Variants in RPS6KA2 observed in about 807,000 individuals in gnomAD.
RPS6KA2 encodes the protein ribosomal protein S6 kinase alpha-2.
Under a neutral mutation model 91.8 loss-of-function variants are expected in RPS6KA2, and 42 were observed. The ratio of observed to expected loss-of-function variants is 0.46; its 90% CI spans 0.36 to 0.59. RPS6KA2 has a LOEUF of 0.59. RPS6KA2 is among the 20% of genes least tolerant of loss of function. The pLI, the probability that RPS6KA2 is intolerant of heterozygous loss-of-function variation, is 0.00. For missense variants in RPS6KA2, 798 were observed against 978.5 expected (o/e 0.82, Z 2.46); for synonymous variants, 414 against 393.6 (o/e 1.05, Z -0.61).
Position 166,412,500 on chromosome 6 carries a change from C to G in RPS6KA2, c.*262G>C, listed in dbSNP as rs1778340926. On this transcript the variant is annotated 3_prime_UTR_variant, in exon 21 of 21. Coordinates refer to ENST00000265678, the MANE Select transcript of RPS6KA2 (RefSeq NM_021135.6). The surrounding 1 kb of genome is among the most constrained non-coding windows in gnomAD (Gnocchi z 4.3). ...TCTGAAAGAAGCCCCCGGCCTCGCA[C>G]GGGCACGCGAGGTGAAGGGGCGCAT... 3.2e-6 allele frequency: 1 copy of G among 307,776 alleles called. No homozygotes were observed. Among genetic ancestry groups the G allele is most frequent in the Admixed American group, 5.0e-5 (1 of 20,104 alleles). The allele number at this position is 307,776 out of a possible 1,614,324, so 19.1% of individuals were successfully genotyped here.
intron 2 of RPS6KA2, among the ~76,000 whole-genome samples, chr6:166,740,083 G>C (rs552369831): frequency 4.9e-4 from 75 of 152,344 alleles, no homozygotes; most frequent in African/African-American, 1.8e-3. Context: ...GCTGGTCCCT[G>C]AGCATTCTCT....
At chr6:166,562,327 T>C (rs1010393184) in intron 1 of RPS6KA2, among the ~76,000 whole-genome samples, 11 of 152,162 alleles carry the variant, frequency 7.2e-5, no homozygotes, top group African/African-American at 2.7e-4. Flanking sequence ...CCAGTGTTGG[T>C]GATCAGACAC....
At chr6:166,480,720 G>A (rs890635342) in intron 10 of RPS6KA2, among the ~76,000 whole-genome samples, 15 of 151,902 alleles carry the variant, frequency 9.9e-5, no homozygotes, top group African/African-American at 3.4e-4. Context: ...TTGCCATTTT[G>A]GCCAGGCTGG....
chr6:166,579,980 C>A (rs2128515050), intron 1 of RPS6KA2, among the ~76,000 whole-genome samples: 1 of 152,366 alleles, frequency 6.6e-6, no homozygotes, highest in East Asian at 1.9e-4. Flanking sequence ...CTAACTGCGA[C>A]CTTTAGAATC....
intron 2 of RPS6KA2, among the ~76,000 whole-genome samples, chr6:166,692,305 T>A (rs1789231038): frequency 6.6e-6 from 1 of 152,152 alleles, no homozygotes; most frequent in South Asian, 2.1e-4. Flanking sequence ...TCCTCCTACC[T>A]CTGCTCAAGC....
intron 12 of RPS6KA2, among the ~76,000 whole-genome samples, chr6:166,453,283 C>G (rs1403879098): frequency 1.3e-5 from 2 of 151,902 alleles, no homozygotes; most frequent in African/African-American, 2.4e-5. Flanking sequence ...AACAGACAAC[C>G]TGCAGAATGG....
chr6:166,534,999 C>A (rs1783434937), intron 2 of RPS6KA2, among the ~76,000 whole-genome samples: 1 of 152,238 alleles, frequency 6.6e-6, no homozygotes, highest in Non-Finnish European at 1.5e-5. Context: ...CCCTCTCCCT[C>A]TCTGCTGTCA....
chr6:166,586,378 G>A, intron 1 of RPS6KA2: 2 of 1,599,694 alleles, frequency 1.3e-6, no homozygotes, highest in South Asian at 1.1e-5. Context: ...GGAGACTCAG[G>A]AGGGCGTTTC....
intron 1 of RPS6KA2, among the ~76,000 whole-genome samples, chr6:166,594,739 G>A (rs1484089245): frequency 1.3e-5 from 2 of 152,222 alleles, no homozygotes; most frequent in African/African-American, 2.4e-5. Flanking sequence ...TGGGATTACA[G>A]GCGTGAGCCA....
chr6:166,636,551 C>CTCCTCT (rs1009015816), intron 2 of RPS6KA2, among the ~76,000 whole-genome samples: 3 of 152,262 alleles, frequency 2.0e-5, no homozygotes, highest in African/African-American at 7.2e-5. Context: ...CCTCCTCCTT[C>CTCCTCT]TCCTCTTCCT....
At chr6:166,427,036 G>A (rs1249680471) in intron 16 of RPS6KA2, among the ~76,000 whole-genome samples, 1 of 152,020 alleles carries the variant, frequency 6.6e-6, no homozygotes, top group Non-Finnish European at 1.5e-5. Context: ...GATGAACATT[G>A]ATGCAAAAAT....
chr6:166,573,438 C>T (rs765889562), intron 1 of RPS6KA2, among the ~76,000 whole-genome samples: 6 of 152,194 alleles, frequency 3.9e-5, no homozygotes, highest in African/African-American at 9.7e-5. Flanking sequence ...ACCCAGCGCA[C>T]GTGTTCTGAT....
At chr6:166,758,583 C>T (rs1241592196) in intron 2 of RPS6KA2, among the ~76,000 whole-genome samples, 1 of 152,176 alleles carries the variant, frequency 6.6e-6, no homozygotes, top group African/African-American at 2.4e-5. Context: ...ACTGGTATAG[C>T]TTCTTGTTAA....
intron 8 of RPS6KA2, among the ~76,000 whole-genome samples, chr6:166,492,890 ATTT>A (rs71032807): frequency 0.024 from 2,501 of 103,550 alleles, 28 homozygotes; most frequent in Middle Eastern, 0.055. Context: ...TAATTTTTGT[ATTT>A]TTTTTTTTTT....
In RPS6KA2 at chr6:166,733,689, G is replaced by A. The variant is rs1481188981; in HGVS notation, c.123+124511C>T. Among the ~76,000 whole-genome samples, 1 of 152,194 alleles carries A rather than the reference G, an allele frequency of 6.6e-6. No individual in the cohort carries two copies. Among genetic ancestry groups the A allele is most frequent in the African/African-American group, 2.4e-5 (1 of 41,456 alleles). ...GGACAGTTTCCATGGAATGTCCCAG[G>A]CACAGGTCACATTTCAGCGGGTTCC... On this transcript the variant is annotated intron_variant, in intron 2 of 21. Coordinates refer to the RPS6KA2 transcript ENST00000503859. The surrounding 1 kb of genome is among the most constrained non-coding windows in gnomAD (Gnocchi z 4.1).
At chr6:166,675,840 T>C (rs9459711) in intron 2 of RPS6KA2, among the ~76,000 whole-genome samples, 38,828 of 152,054 alleles carry the variant, frequency 0.26, 5,557 homozygotes, top group African/African-American at 0.39. Flanking sequence ...TTGGCTATTG[T>C]GTCATATCTT....
At chr6:166,862,391 G>A (rs1386528053) in exon 1 of RPS6KA2, 1 of 1,386,524 alleles carries the variant, frequency 7.2e-7, no homozygotes, top group Non-Finnish European at 9.4e-7. Context: ...GCTGCAATAT[G>A]GCTGCTCGGG....
intron 1 of RPS6KA2, among the ~76,000 whole-genome samples, chr6:166,620,447 C>A (rs1030069312): frequency 6.6e-6 from 1 of 152,178 alleles, no homozygotes; most frequent in Non-Finnish European, 1.5e-5. Flanking sequence ...GCGTGGAAAA[C>A]AAGTCTGTTT....
In RPS6KA2 at chr6:166,517,503, C is replaced by T. The variant is rs183613513; in HGVS notation, c.299-7146G>A. Among the ~76,000 whole-genome samples the T allele has an allele frequency of 4.1e-3, 516 of 124,720 alleles. 5 individuals are homozygous for T. Among genetic ancestry groups the T allele is most frequent in the Non-Finnish European group, 6.2e-3 (396 of 64,370 alleles). The allele number at this position is 124,720 out of a possible 152,430, so 81.8% of individuals were successfully genotyped here. ...TTTTTTTTTGAGACGGAGTCTCGCTCTGTCGCCCAGGCCGGACTGCGGACT... is the reference window on the plus strand; with the variant it reads ...TTTTTTTTTGAGACGGAGTCTCGCTTTGTCGCCCAGGCCGGACTGCGGACT... On this transcript the variant is annotated intron_variant, in intron 3 of 20. Transcript: ENST00000265678.
Sources: gnomAD v4.1 joint callset for allele counts (sites outside exome capture counted in the v4.1 genomes callset) on GRCh38, gnomAD v4.1.1 for gene constraint, Gnocchi (gnomAD v3.1) non-coding constraint, MANE v1.5 for transcripts, NCBI Gene and HGNC (gene_info 2026-07-23, HGNC 2026-07-21) for gene names.